PLEKHA6: variants seen among roughly 807,000 people sequenced by gnomAD.
PLEKHA6 encodes pleckstrin homology domain containing A6.
PLEKHA6 carries 60 observed loss-of-function variants against 116.7 expected under a neutral mutation model. That is an observed-to-expected ratio of 0.51 (90% CI 0.42 to 0.64). The LOEUF (loss-of-function observed/expected upper bound fraction) is 0.64, where lower values mean the gene tolerates loss of function less well. Among genes scored for constraint, PLEKHA6 ranks in the 30% least tolerant of loss-of-function variants. The probability of loss-of-function intolerance (pLI) is 0.00; values close to 1 mark genes in which losing one functional copy is unlikely to be tolerated. For missense variants in PLEKHA6, 1,338 were observed against 1,422.7 expected (o/e 0.94, Z 0.96); for synonymous variants, 489 against 556.1 (o/e 0.88, Z 1.70).
At chr1:204,330,762 G>A (rs1478037215) in intron 1 of PLEKHA6, among the ~76,000 whole-genome samples, 1 of 152,114 alleles carries the variant, frequency 6.6e-6, no homozygotes, top group Non-Finnish European at 1.5e-5. Flanking sequence ...CCCACCATGA[G>A]GTTGTGGAGG....
chr1:204,229,192 A>C, intron 18 of PLEKHA6, 88 bp from the exon 19 acceptor site: 1 of 1,316,066 alleles, frequency 7.6e-7, no homozygotes, highest in Non-Finnish European at 1.1e-6. Context: ...TTCCCTTCCC[A>C]GCTCGCCTGA....
chr1:204,317,496 G>A (rs1671903921), intron 1 of PLEKHA6, among the ~76,000 whole-genome samples: 3 of 152,130 alleles, frequency 2.0e-5, no homozygotes, highest in Admixed American at 2.0e-4. Flanking sequence ...AGGAACAGGA[G>A]GCACCTTCTC....
chr1:204,336,156 C>T (rs896222400), intron 1 of PLEKHA6, among the ~76,000 whole-genome samples: 1 of 152,176 alleles, frequency 6.6e-6, no homozygotes, highest in Non-Finnish European at 1.5e-5. Context: ...CCCTCATCAC[C>T]AACCAATCTT....
Position 204,261,436 on chromosome 1 carries a change from C to A in PLEKHA6, c.394G>T (p.Gly132Trp), listed in dbSNP as rs757473893. 1 of 1,610,756 alleles carries A rather than the reference C, an allele frequency of 6.2e-7. No homozygotes were observed. Among genetic ancestry groups the A allele is most frequent in the Non-Finnish European group, 8.5e-7 (1 of 1,177,952 alleles). ...RKHTFKAEHA[G>W]VRTYFFSAES... ...GCACTGAAGAAGTAGGTGCGGACCC[C>A]GGCATGCTCAGCCTGTGGGGAGAGG... Residue 132 changes from glycine to tryptophan, a missense_variant, in exon 7 of 23, where the codon GGG (glycine) becomes TGG (tryptophan). By Grantham distance (184) the Gly-to-Trp change is radical. Around this residue, in one of 3 missense-constraint regions of PLEKHA6, gnomAD observed 140 missense variants for 197.4 expected, o/e 0.71. Transcript: ENST00000272203. This position sits in a 1 kb window ranked among gnomAD's most constrained non-coding sequence, Gnocchi z 4.0.
At chr1:204,342,418 A>C (rs1672880595) in intron 1 of PLEKHA6, among the ~76,000 whole-genome samples, 1 of 152,256 alleles carries the variant, frequency 6.6e-6, no homozygotes, top group Non-Finnish European at 1.5e-5. Context: ...GTCCCCAGGA[A>C]CCTGGTCAGT....
intron 1 of PLEKHA6, among the ~76,000 whole-genome samples, chr1:204,342,540 T>C (rs1672885757): frequency 6.6e-6 from 1 of 152,230 alleles, no homozygotes; most frequent in African/African-American, 2.4e-5. Flanking sequence ...ATGAATCACC[T>C]GGAGGGCCTT....
intron 2 of PLEKHA6, chr1:204,369,064 G>T (rs1673722653): frequency 6.6e-6 from 1 of 152,102 alleles, no homozygotes; most frequent in Non-Finnish European, 1.5e-5. Flanking sequence ...CACAGTTGCT[G>T]CTGATGGTGA....
Position 204,261,426 on chromosome 1 carries a change from G to A in PLEKHA6, c.404C>T (p.Thr135Ile). 6.2e-7 allele frequency: 1 copy of A among 1,612,668 alleles called. No individual in the cohort carries two copies. Among genetic ancestry groups the A allele is most frequent in the Non-Finnish European group, 8.5e-7 (1 of 1,179,066 alleles). Residue 135 changes from threonine (T) to isoleucine (I), a missense_variant, in exon 7 of 23, where the codon ACC (threonine) becomes ATC (isoleucine). This residue lies in a region of PLEKHA6 where 140 missense variants were observed against 197.4 expected (regional missense o/e 0.71). Transcript: ENST00000272203. The surrounding 1 kb of genome is among the most constrained non-coding windows in gnomAD (Gnocchi z 4.0). Reference sequence around the variant, plus strand: ...GGGGCTCTCGGCACTGAAGAAGTAGGTGCGGACCCCGGCATGCTCAGCCTG... The same window carrying A: ...GGGGCTCTCGGCACTGAAGAAGTAGATGCGGACCCCGGCATGCTCAGCCTG... Reference protein sequence around the residue: ...TFKAEHAGVRTYFFSAESPEE... With the variant: ...TFKAEHAGVRIYFFSAESPEE...
At chr1:204,233,304 G>A (rs1661471619) in intron 17 of PLEKHA6, among the ~76,000 whole-genome samples, 1 of 151,010 alleles carries the variant, frequency 6.6e-6, no homozygotes, top group African/African-American at 2.4e-5. Flanking sequence ...CCTCCTGGAG[G>A]AGGCTAGGAT....
intron 1 of PLEKHA6, among the ~76,000 whole-genome samples, chr1:204,292,727 G>A (rs1669898786): frequency 6.6e-6 from 1 of 152,226 alleles, no homozygotes; most frequent in African/African-American, 2.4e-5. Context: ...TGGGATGGAT[G>A]GAAACAGGGT....
intron 1 of PLEKHA6, among the ~76,000 whole-genome samples, chr1:204,295,873 T>A (rs1670225764): frequency 1.3e-5 from 2 of 152,104 alleles, no homozygotes; most frequent in Admixed American, 1.3e-4. Flanking sequence ...AACACGAGCC[T>A]CCTGTGACAA....
chr1:204,322,858 G>A (rs183197918), intron 1 of PLEKHA6, among the ~76,000 whole-genome samples: 135 of 152,206 alleles, frequency 8.9e-4, no homozygotes, highest in Admixed American at 2.9e-3. Flanking sequence ...CTGGCCCTAC[G>A]CATTTTGCAA....
intron 4 of PLEKHA6, 105 bp downstream of exon 4, chr1:204,268,103 G>T (rs1667035674): frequency 1.6e-6 from 1 of 635,172 alleles, no homozygotes; most frequent in African/African-American, 1.8e-5. Context: ...AGACAGCAGG[G>T]GGACATACCA....
intron 1 of PLEKHA6, among the ~76,000 whole-genome samples, chr1:204,341,715 G>A (rs1451464953): frequency 6.6e-6 from 1 of 152,090 alleles, no homozygotes; most frequent in Non-Finnish European, 1.5e-5. Context: ...GCAGAATGAG[G>A]ATTCCATATA....
chr1:204,223,943 T>C lies in PLEKHA6; in HGVS notation c.3032-358A>G, dbSNP rs1236321822. Among the ~76,000 whole-genome samples the C allele has an allele frequency of 6.6e-6, 1 of 152,214 alleles. No individual in the cohort carries two copies. Among genetic ancestry groups the C allele is most frequent in the Non-Finnish European group, 1.5e-5 (1 of 68,034 alleles). On this transcript the variant is annotated intron_variant, in intron 21 of 22. Coordinates refer to ENST00000272203, the MANE Select transcript of PLEKHA6 (RefSeq NM_014935.5). The surrounding 1 kb of genome is among the most constrained non-coding windows in gnomAD (Gnocchi z 4.8). ...GACAGAACCAGGGAGTGGTACTTTA[T>C]ATACGGCAGTGTCACTAATGATAAT...
chr1:204,224,616 G>A (rs964960884), intron 21 of PLEKHA6, among the ~76,000 whole-genome samples: 71 of 152,132 alleles, frequency 4.7e-4, no homozygotes, highest in Non-Finnish European at 1.3e-4. Flanking sequence ...TGTAGTTCTC[G>A]CATGGATGTG....
intron 2 of PLEKHA6, 199 bp downstream of exon 2, chr1:204,274,530 C>A (rs887066631): frequency 1.2e-5 from 11 of 903,786 alleles, no homozygotes; most frequent in Non-Finnish European, 1.5e-5. Flanking sequence ...TTTTGCTAGA[C>A]CCTAGGAAAA....
intron 1 of PLEKHA6, among the ~76,000 whole-genome samples, chr1:204,298,462 C>A (rs189622056): frequency 1.6e-4 from 24 of 152,292 alleles, no homozygotes; most frequent in Non-Finnish European, 2.9e-5. Context: ...CTTCAAGGTC[C>A]AGGTTCCGGG....
At chr1:204,262,476 T>A (rs1571952170) in intron 6 of PLEKHA6, among the ~76,000 whole-genome samples, 1 of 152,146 alleles carries the variant, frequency 6.6e-6, no homozygotes, top group East Asian at 1.9e-4. Context: ...CCCAGTGAGA[T>A]CCTCAGTAGC....
Sources: allele counts gnomAD v4.1 joint callset (sites outside exome capture counted in the v4.1 genomes callset), GRCh38; gene constraint gnomAD v4.1.1; regional missense constraint gnomAD v4.1.1; non-coding constraint Gnocchi (gnomAD v3.1); transcripts MANE v1.5; gene names NCBI Gene and HGNC (gene_info 2026-07-23, HGNC 2026-07-21).